The following RBM47 variants were observed in gnomAD, a reference collection of about 807,000 sequenced individuals.
RBM47 encodes the protein RNA binding motif protein 47.
RBM47 carries 21 observed loss-of-function variants against 47.1 expected under a neutral mutation model. The observed-to-expected ratio is 0.45, with a 90% confidence interval of 0.32 to 0.64. RBM47 has a LOEUF of 0.64. Ranked by LOEUF, RBM47 falls within the 30% of genes least tolerant of loss-of-function variation. The pLI is 0.05. For missense variants in RBM47, 708 were observed against 870.9 expected, an observed-to-expected ratio of 0.81 and a Z score of 2.35; for synonymous variants, 375 against 361.7, an observed-to-expected ratio of 1.04 and a Z score of -0.42.
chr4:40,497,584 G>T (rs1722780393), intron 2 of RBM47, among the ~76,000 whole-genome samples: 1 of 151,948 alleles, frequency 6.6e-6, no homozygotes, highest in Non-Finnish European at 1.5e-5. Flanking sequence ...AACAGGGTGA[G>T]ATCCTATCTC....
intron 3 of RBM47, among the ~76,000 whole-genome samples, chr4:40,442,789 T>A (rs576343365): frequency 6.6e-6 from 1 of 152,196 alleles, no homozygotes; most frequent in East Asian, 1.9e-4. Flanking sequence ...ACAATTCACC[T>A]CAGCCTCCCA....
At chr4:40,514,350 T>C (rs1560436795) in intron 2 of RBM47, among the ~76,000 whole-genome samples, 2 of 152,106 alleles carry the variant, frequency 1.3e-5, no homozygotes. Flanking sequence ...AAGCTAAAGA[T>C]TACAATTATC....
intron 2 of RBM47, among the ~76,000 whole-genome samples, chr4:40,494,057 G>C (rs1021505197): frequency 2.6e-5 from 4 of 152,194 alleles, no homozygotes; most frequent in African/African-American, 9.7e-5. Flanking sequence ...ACAATGGTCA[G>C]AAATCCTTGA....
At chr4:40,501,137 C>T (rs1723304543) in intron 2 of RBM47, among the ~76,000 whole-genome samples, 1 of 152,186 alleles carries the variant, frequency 6.6e-6, no homozygotes, top group South Asian at 2.1e-4. Context: ...AGAGCAGCTG[C>T]TGGCTTCATT....
At chr4:40,496,347 CACACACACACACACACA>C (rs1340728590) in intron 2 of RBM47, among the ~76,000 whole-genome samples, 40 of 152,038 alleles carry the variant, frequency 2.6e-4, no homozygotes, top group Admixed American at 1.3e-3. Context: ...CACACACACA[CACACACACACACACACA>C]AAGAGAGAAA....
intron 1 of RBM47, among the ~76,000 whole-genome samples, chr4:40,598,729 T>TA (rs1734975688): frequency 2.0e-5 from 3 of 152,060 alleles, no homozygotes; most frequent in African/African-American, 7.3e-5. Context: ...AAGCTATTTT[T>TA]AAAAAATCCT....
At chr4:40,622,970 A>C (rs1222006059) in intron 1 of RBM47, among the ~76,000 whole-genome samples, 4 of 152,232 alleles carry the variant, frequency 2.6e-5, no homozygotes, top group African/African-American at 9.6e-5. Context: ...AGGGGAGCAG[A>C]TAAGCAGATT....
intron 1 of RBM47, among the ~76,000 whole-genome samples, chr4:40,622,511 C>T (rs1218544094): frequency 6.6e-6 from 1 of 152,196 alleles, no homozygotes; most frequent in African/African-American, 2.4e-5. Flanking sequence ...TAAAGTCATT[C>T]ACTGGCTTTT....
chr4:40,497,895 A>T (rs1355916128), intron 2 of RBM47, among the ~76,000 whole-genome samples: 1 of 150,612 alleles, frequency 6.6e-6, no homozygotes, highest in Non-Finnish European at 1.5e-5. Flanking sequence ...AGGCAGGAGG[A>T]TCACTTGAGC....
rs9685912 is a variant in RBM47, at chr4:40,628,583, C to T, written c.-240+813G>A. On this transcript the variant is annotated intron_variant, in intron 1 of 6. Coordinates refer to ENST00000295971, the MANE Select transcript of RBM47 (RefSeq NM_001098634.2). The surrounding 1 kb of genome is among the most constrained non-coding windows in gnomAD (Gnocchi z 4.0). ...CCCCTGAGAAATTCGTATGACCTTG[C>T]CTTAAAACTTTTAAAGAATACATTT... 0.08 allele frequency among the ~76,000 whole-genome samples: 12,244 copies of T among 152,104 alleles called. 621 individuals are homozygous for T. The highest frequency in any genetic ancestry group is 0.13 in the African/African-American group (5,582 of 41,456).
chr4:40,452,625 C>T (rs1263149712), intron 3 of RBM47, among the ~76,000 whole-genome samples: 3 of 151,890 alleles, frequency 2.0e-5, no homozygotes, highest in Non-Finnish European at 4.4e-5. Context: ...GTCTAGCGTC[C>T]GCCAGGTCAA....
At chr4:40,501,462 C>G (rs912318093) in intron 2 of RBM47, among the ~76,000 whole-genome samples, 1 of 152,218 alleles carries the variant, frequency 6.6e-6, no homozygotes, top group African/African-American at 2.4e-5. Flanking sequence ...TGCCATCCAA[C>G]AGAGCTTTCT....
chr4:40,562,021 T>C (rs1400413235), intron 1 of RBM47, among the ~76,000 whole-genome samples: 1 of 152,214 alleles, frequency 6.6e-6, no homozygotes, highest in African/African-American at 2.4e-5. Context: ...ATGTGACTAC[T>C]TACTCATTTT....
chr4:40,431,407 C>T (rs1330157118), intron 6 of RBM47, among the ~76,000 whole-genome samples: 7 of 152,232 alleles, frequency 4.6e-5, no homozygotes, highest in Middle Eastern at 6.8e-3. Flanking sequence ...GCCTGTAATC[C>T]CAGCACTTTG....
At chr4:40,515,439 A>T (rs1004423066) in intron 2 of RBM47, among the ~76,000 whole-genome samples, 5 of 152,148 alleles carry the variant, frequency 3.3e-5, no homozygotes, top group South Asian at 2.1e-4. Context: ...CTAAAAAGAG[A>T]CCAAGACCGT....
chr4:40,529,115 C>G (rs988626289), intron 2 of RBM47, among the ~76,000 whole-genome samples: 9 of 151,944 alleles, frequency 5.9e-5, no homozygotes, highest in African/African-American at 1.9e-4. Flanking sequence ...TGAAATGTGC[C>G]GCTGGCTACC....
chr4:40,477,237 T>C (rs1457312108), intron 2 of RBM47, among the ~76,000 whole-genome samples: 1 of 152,178 alleles, frequency 6.6e-6, no homozygotes, highest in African/African-American at 2.4e-5. Flanking sequence ...TTTCAATCTA[T>C]TCATCTACGC....
rs772734253 is a variant in RBM47 at position 40,438,422 on chromosome 4, T to G, written c.472A>C (p.Ile158Leu). ...TCCTCGCGCTTCTTCATCTTGGGGA[T>G]CCCGCCGATGAAGAGGCGGCAGTTG... ...VDNCRLFIGGIPKMKKREEIL... is the reference protein window; with the variant it reads ...VDNCRLFIGGLPKMKKREEIL... The change falls in exon 4 of 7, where the codon ATC (isoleucine) becomes CTC (leucine). Residue 158 changes from isoleucine to leucine, a missense_variant. Physicochemically the swap from Ile to Leu is conservative, Grantham distance 5. Coordinates refer to ENST00000295971, the MANE Select transcript of RBM47 (RefSeq NM_001098634.2). 6.2e-7 allele frequency: 1 copy of G among 1,612,866 alleles called. No homozygotes were observed. The highest frequency in any genetic ancestry group is 1.3e-5 in the African/African-American group (1 of 74,854).
chr4:40,614,809 C>A (rs1335775287), intron 1 of RBM47, among the ~76,000 whole-genome samples: 1 of 151,902 alleles, frequency 6.6e-6, no homozygotes, highest in Non-Finnish European at 1.5e-5. Context: ...CCAGCCTGAG[C>A]AACATGGTAA....
Sources: gnomAD v4.1 joint callset for allele counts (sites outside exome capture counted in the v4.1 genomes callset) on GRCh38, gnomAD v4.1.1 for gene constraint, Gnocchi (gnomAD v3.1) non-coding constraint, MANE v1.5 for transcripts, NCBI Gene and HGNC (gene_info 2026-07-23, HGNC 2026-07-21) for gene names.